COPG2: variants seen among roughly 807,000 people sequenced by gnomAD.
COPG2 encodes the protein coat protein complex I subunit gamma 2, also known as coatomer subunit gamma-2.
COPG2 carries 37 observed loss-of-function variants against 46.3 expected under a neutral mutation model. The ratio of observed to expected loss-of-function variants is 0.80; its 90% CI spans 0.61 to 1.05. COPG2 has a LOEUF of 1.05. COPG2 is among the 50% of genes least tolerant of loss of function. The probability of loss-of-function intolerance (pLI) is 0.00; values close to 1 mark genes in which losing one functional copy is unlikely to be tolerated. For synonymous variants in COPG2, 159 were observed against 129.7 expected (o/e 1.23, Z -1.53); for missense variants, 427 against 387.8 (o/e 1.10, Z -0.85).
intron 20 of COPG2, chr7:130,509,614 C>A: frequency 2.1e-6 from 1 of 485,774 alleles, no homozygotes; most frequent in Admixed American, 2.1e-5. Context: ...TCCATCCACA[C>A]ATGTAGTGAC....
At chr7:130,627,930 C>T (rs1371444342) in intron 5 of COPG2, among the ~76,000 whole-genome samples, 2 of 152,150 alleles carry the variant, frequency 1.3e-5, no homozygotes, top group East Asian at 1.9e-4. Flanking sequence ...TTACCAAGAA[C>T]AACTGTAGTT....
intron 9 of COPG2, among the ~76,000 whole-genome samples, chr7:130,583,116 G>T (rs1321762496): frequency 6.6e-6 from 1 of 151,186 alleles, no homozygotes; most frequent in Non-Finnish European, 1.5e-5. Context: ...AACAATGATA[G>T]ACCGGATTAA....
intron 5 of COPG2, among the ~76,000 whole-genome samples, chr7:130,647,014 T>TATATATGTGTGTATATATATGC (rs1554458378): frequency 1.1e-4 from 15 of 137,992 alleles, no homozygotes; most frequent in African/African-American, 4.3e-4. Flanking sequence ...TATATATGTA[T>TATATATGTGTGTATATATATGC]ATATATATAT....
At position 130,591,503 on chromosome 7, in the gene COPG2, G is replaced by A. The variant is rs1200415346; in HGVS notation, c.737+19450C>T. On this transcript the variant is annotated intron_variant, in intron 9 of 23. Transcript: ENST00000425248. The stretch of plus-strand genomic sequence containing the variant: ...GGTCAGCCCCCCCGCCCGGCCAGCC[G>A]CCCCATCCGGGAGGTGAGGGGTGCC... Among the ~76,000 whole-genome samples the A allele has an allele frequency of 1.1e-4, 10 of 92,508 alleles. No individual in the cohort carries two copies. In the East Asian group the frequency reaches 1.1e-3, roughly 10 times the overall value. 60.7% of individuals were successfully genotyped at this position (92,508 alleles called of 152,430 possible). A position where few individuals can be genotyped will look rare whatever the true frequency, so the allele number is the denominator to read the frequency against.
chr7:130,651,128 T>C (rs1471109522), intron 5 of COPG2, among the ~76,000 whole-genome samples: 4 of 152,226 alleles, frequency 2.6e-5, no homozygotes, highest in African/African-American at 7.2e-5. Context: ...CAATGAGTTA[T>C]AGTAATTAAA....
At chr7:130,611,857 C>A (rs2116504775) in intron 8 of COPG2, among the ~76,000 whole-genome samples, 1 of 152,240 alleles carries the variant, frequency 6.6e-6, no homozygotes, top group East Asian at 1.9e-4. Flanking sequence ...TATCTTTTTA[C>A]ACAAATTATT....
chr7:130,625,798 T>C (rs371718732), intron 5 of COPG2, among the ~76,000 whole-genome samples: 7 of 152,158 alleles, frequency 4.6e-5, no homozygotes, highest in African/African-American at 1.4e-4. Flanking sequence ...TTTTTATCTA[T>C]ACTAATTCCT....
At chr7:130,643,125 T>A (rs758576176) in intron 5 of COPG2, among the ~76,000 whole-genome samples, 1 of 151,830 alleles carries the variant, frequency 6.6e-6, no homozygotes, top group Admixed American at 6.6e-5. Context: ...TGAAACCCCG[T>A]CTCTACTAAA....
At chr7:130,605,634 A>G in intron 9 of COPG2, 1 of 470,618 alleles carries the variant, frequency 2.1e-6, no homozygotes, top group South Asian at 1.5e-5. Context: ...CTAGAGGCAC[A>G]GACTAACCTC....
At chr7:130,590,042 T>C (rs1554448586) in intron 9 of COPG2, among the ~76,000 whole-genome samples, 2 of 152,236 alleles carry the variant, frequency 1.3e-5, no homozygotes, top group African/African-American at 4.8e-5. Flanking sequence ...TTATTTTTCC[T>C]ATCAAAAGAT....
At chr7:130,624,856 C>CT (rs1554454062) in intron 5 of COPG2, among the ~76,000 whole-genome samples, 1 of 152,150 alleles carries the variant, frequency 6.6e-6, no homozygotes, top group Non-Finnish European at 1.5e-5. Flanking sequence ...CAATTGTGAA[C>CT]TGTGCTGTTA....
intron 5 of COPG2, among the ~76,000 whole-genome samples, chr7:130,618,882 T>C (rs1367996177): frequency 6.6e-6 from 1 of 152,162 alleles, no homozygotes; most frequent in African/African-American, 2.4e-5. Context: ...TAATTCAATT[T>C]TCTAATTATT....
intron 5 of COPG2, chr7:130,645,544 C>T: frequency 5.0e-6 from 1 of 201,760 alleles, no homozygotes; most frequent in South Asian, 8.9e-5. Flanking sequence ...CGGCCACTGC[C>T]TTGGAGGTGA....
At chr7:130,506,928 G>A in intron 23 of COPG2, 122 bp from the exon 24 acceptor site, 2 of 617,724 alleles carry the variant, frequency 3.2e-6, no homozygotes, top group Non-Finnish European at 5.8e-6. Flanking sequence ...CCAGAGACTT[G>A]TGGAAACTGA....
intron 9 of COPG2, 120 bp downstream of exon 9, chr7:130,610,833 A>C (rs1794833784): frequency 1.0e-6 from 1 of 964,306 alleles, no homozygotes; most frequent in African/African-American, 1.6e-5. Context: ...AAAATTGAAA[A>C]ACATTGAACT....
chr7:130,518,036 T>C (rs1799693342), intron 20 of COPG2, among the ~76,000 whole-genome samples: 1 of 152,230 alleles, frequency 6.6e-6, no homozygotes, highest in African/African-American at 2.4e-5. Context: ...AAGTTTTTTC[T>C]ATTGAGAACA....
At chr7:130,622,725 T>C (rs1269738084) in intron 5 of COPG2, among the ~76,000 whole-genome samples, 1 of 152,098 alleles carries the variant, frequency 6.6e-6, no homozygotes, top group Non-Finnish European at 1.5e-5. Flanking sequence ...GCCAGCACTT[T>C]ACCTGGTTTT....
At position 130,513,758 on chromosome 7, in the gene COPG2, C is replaced by T. The variant is rs145223656; in HGVS notation, c.2150-5099G>A. Among the ~76,000 whole-genome samples the T allele has an allele frequency of 2.2e-3, 335 of 151,874 alleles. 1 individual carries two copies. Among genetic ancestry groups the T allele is most frequent in the African/African-American group, 7.8e-3 (324 of 41,380 alleles). On this transcript the variant is annotated intron_variant, in intron 20 of 23. Transcript: ENST00000425248. ...TGTTTTCAGAGTAGTGTGGAGGTGACGAGGAAGAAAAGACTAAATTCATGA... is the reference window on the plus strand; with the variant it reads ...TGTTTTCAGAGTAGTGTGGAGGTGATGAGGAAGAAAAGACTAAATTCATGA...
intron 5 of COPG2, among the ~76,000 whole-genome samples, chr7:130,646,544 TAAC>T (rs1312320202): frequency 6.6e-6 from 1 of 152,198 alleles, no homozygotes; most frequent in Non-Finnish European, 1.5e-5. Flanking sequence ...GACATGTTAT[TAAC>T]AAGTTAGTCA....
Sources: allele counts gnomAD v4.1 joint callset (sites outside exome capture counted in the v4.1 genomes callset), GRCh38; gene constraint gnomAD v4.1.1; transcripts MANE v1.5; gene names NCBI Gene and HGNC (gene_info 2026-07-23, HGNC 2026-07-21).